Variants in HPSE2 observed in about 807,000 individuals in gnomAD.
HPSE2 encodes heparanase 2 (inactive).
HPSE2 carries 38 observed loss-of-function variants against 60.5 expected under a neutral mutation model. The observed-to-expected ratio is 0.63, with a 90% CI of 0.48 to 0.82. HPSE2 has a LOEUF of 0.82. HPSE2 is among the 40% of genes least tolerant of loss of function. HPSE2 has a pLI of 0.00. For missense variants in HPSE2, 713 were observed against 740.4 expected, an observed-to-expected ratio of 0.96 and a Z score of 0.43; for synonymous variants, 295 against 293.2, an observed-to-expected ratio of 1.01 and a Z score of -0.06.
At chr10:98,594,758 T>C (rs1454259656) in intron 9 of HPSE2, among the ~76,000 whole-genome samples, 1 of 152,220 alleles carries the variant, frequency 6.6e-6, no homozygotes, top group Non-Finnish European at 1.5e-5. Context: ...AATGCTGCAA[T>C]GATCATGGAA....
At chr10:98,805,399 G>A (rs907602469) in intron 3 of HPSE2, among the ~76,000 whole-genome samples, 1 of 152,030 alleles carries the variant, frequency 6.6e-6, no homozygotes, top group Admixed American at 6.6e-5. Context: ...TAACACAAAG[G>A]ATAAAAATCT....
chr10:99,310,591 A>C, the HPSE2 span, among the ~76,000 whole-genome samples: 1 of 152,158 alleles, frequency 6.6e-6, no homozygotes, highest in Non-Finnish European at 1.5e-5. Flanking sequence ...GTGGAATGTA[A>C]ATATTGGAAT....
At chr10:98,705,795 T>G (rs894805345) in intron 5 of HPSE2, among the ~76,000 whole-genome samples, 2 of 152,000 alleles carry the variant, frequency 1.3e-5, no homozygotes, top group Admixed American at 1.3e-4. Context: ...TTAGCATAAA[T>G]AGCTAATGCA....
At chr10:98,855,264 C>T (rs1269614189) in intron 3 of HPSE2, among the ~76,000 whole-genome samples, 1 of 152,116 alleles carries the variant, frequency 6.6e-6, no homozygotes, top group African/African-American at 2.4e-5. Context: ...AAGAGTTTTG[C>T]ATTTACTCAC....
intron 3 of HPSE2, among the ~76,000 whole-genome samples, chr10:98,992,415 C>A (rs74154361): frequency 0.049 from 7,511 of 152,154 alleles, 623 homozygotes; most frequent in African/African-American, 0.17. Context: ...AGAACACAGG[C>A]ATGTGATTAT....
intron 9 of HPSE2, among the ~76,000 whole-genome samples, chr10:98,553,696 C>T (rs1296935004): frequency 6.6e-6 from 1 of 152,186 alleles, no homozygotes; most frequent in Admixed American, 6.5e-5. Context: ...TCACATTAGC[C>T]TCTCTTCTTT....
intron 9 of HPSE2, among the ~76,000 whole-genome samples, chr10:98,579,717 C>G (rs1489578894): frequency 1.3e-5 from 2 of 152,174 alleles, no homozygotes; most frequent in Non-Finnish European, 2.9e-5. Context: ...CACCTATCAG[C>G]TTTTAGTTTA....
intron 2 of HPSE2, among the ~76,000 whole-genome samples, chr10:99,197,398 G>C (rs1848437911): frequency 6.6e-6 from 1 of 152,106 alleles, no homozygotes; most frequent in Non-Finnish European, 1.5e-5. Flanking sequence ...AAGGATAAAT[G>C]CTTGAGGGGA....
At chr10:99,035,490 T>C (rs1295760370) in intron 3 of HPSE2, among the ~76,000 whole-genome samples, 1 of 152,248 alleles carries the variant, frequency 6.6e-6, no homozygotes, top group African/African-American at 2.4e-5. Context: ...TGTTTTACAC[T>C]TAGTTTTCTT....
intron 3 of HPSE2, among the ~76,000 whole-genome samples, chr10:99,132,936 G>A (rs797007533): frequency 5.3e-5 from 8 of 152,284 alleles, no homozygotes; most frequent in African/African-American, 1.9e-4. Context: ...GAGCCAAGTG[G>A]TCTGGCTCAG....
intron 7 of HPSE2, among the ~76,000 whole-genome samples, chr10:98,636,243 T>TTG (rs1202600508): frequency 1.3e-5 from 2 of 151,548 alleles, no homozygotes; most frequent in African/African-American, 4.9e-5. Flanking sequence ...CTGTTTTTTT[T>TTG]TTTGTTTTTT....
chr10:99,056,633 G>T (rs1958120421), intron 3 of HPSE2, among the ~76,000 whole-genome samples: 1 of 152,262 alleles, frequency 6.6e-6, no homozygotes, highest in Non-Finnish European at 1.5e-5. Flanking sequence ...AAAATTAGTT[G>T]ATGTGAAATG....
chr10:98,696,846 G>A (rs1317272214), intron 5 of HPSE2, among the ~76,000 whole-genome samples: 1 of 152,202 alleles, frequency 6.6e-6, no homozygotes, highest in African/African-American at 2.4e-5. Context: ...TTCCCCTGCT[G>A]GAGCCATGAA....
At chr10:99,283,322 C>T in the HPSE2 span, among the ~76,000 whole-genome samples, 5 of 149,752 alleles carry the variant, frequency 3.3e-5, no homozygotes, top group Middle Eastern at 3.5e-3. Flanking sequence ...ATTAGAGATA[C>T]ATAAAATAGA....
intron 3 of HPSE2, among the ~76,000 whole-genome samples, chr10:99,092,260 T>A (rs1589641966): frequency 6.6e-6 from 1 of 152,302 alleles, no homozygotes; most frequent in East Asian, 1.9e-4. Context: ...CACAGAATTT[T>A]ACTATATGAT....
chr10:98,726,233 C>G (rs1316085314), intron 4 of HPSE2, among the ~76,000 whole-genome samples: 2 of 152,088 alleles, frequency 1.3e-5, no homozygotes, highest in African/African-American at 4.8e-5. Context: ...TTGGAACCCA[C>G]CCAAATGTCC....
intron 3 of HPSE2, among the ~76,000 whole-genome samples, chr10:99,054,638 G>A (rs1169933905): frequency 1.3e-5 from 2 of 152,180 alleles, no homozygotes; most frequent in Non-Finnish European, 2.9e-5. Flanking sequence ...TGAATTGCCT[G>A]TTAAAATAAG....
At chr10:98,613,412 C>T (rs1015613789) in intron 9 of HPSE2, among the ~76,000 whole-genome samples, 1 of 152,154 alleles carries the variant, frequency 6.6e-6, no homozygotes, top group African/African-American at 2.4e-5. Flanking sequence ...AGCAATTATG[C>T]TAGTTAGTTT....
chr10:99,154,843 G>A (rs1401594301), intron 2 of HPSE2, among the ~76,000 whole-genome samples: 1 of 152,056 alleles, frequency 6.6e-6, no homozygotes, highest in Non-Finnish European at 1.5e-5. Flanking sequence ...TCAGTGTGCT[G>A]TATTCAGGAA....
Sources: allele counts gnomAD v4.1 joint callset (sites outside exome capture counted in the v4.1 genomes callset), GRCh38; gene constraint gnomAD v4.1.1; transcripts MANE v1.5; gene names NCBI Gene and HGNC (gene_info 2026-07-23, HGNC 2026-07-21).